Variants in SRCIN1 observed in about 807,000 individuals in gnomAD.
The protein encoded by SRCIN1 is P130Cas-associated protein.
SRCIN1 carries 50 observed loss-of-function variants against 116.2 expected under a neutral mutation model. That is an observed-to-expected ratio of 0.43 (90% CI 0.34 to 0.54). The LOEUF (loss-of-function observed/expected upper bound fraction) is 0.54. SRCIN1 is among the 20% of genes least tolerant of loss of function. SRCIN1 has a pLI of 0.02. For missense variants in SRCIN1, 1,446 were observed against 1,672.0 expected, an observed-to-expected ratio of 0.86 and a Z score of 2.36; for synonymous variants, 736 against 750.0, an observed-to-expected ratio of 0.98 and a Z score of 0.30.
intron 1 of SRCIN1, among the ~76,000 whole-genome samples, chr17:38,581,144 T>C (rs904945298): frequency 2.0e-5 from 3 of 152,076 alleles, no homozygotes; most frequent in African/African-American, 4.8e-5. Flanking sequence ...CGATGACTCA[T>C]ACCTGTAATC....
At chr17:38,553,209 A>G (rs989446784) in intron 11 of SRCIN1, among the ~76,000 whole-genome samples, 2 of 152,224 alleles carry the variant, frequency 1.3e-5, no homozygotes, top group African/African-American at 2.4e-5. Flanking sequence ...GTGAGCCGTG[A>G]TTGTGCCACT....
At chr17:38,536,519 G>A (rs1904390727) in intron 18 of SRCIN1, among the ~76,000 whole-genome samples, 1 of 152,224 alleles carries the variant, frequency 6.6e-6, no homozygotes, top group African/African-American at 2.4e-5. Flanking sequence ...GGGGATCAGA[G>A]CCGGCCACCT....
At position 38,558,310 on chromosome 17, in the gene SRCIN1, GTCC is replaced by G. The variant is rs1905941515; in HGVS notation, c.2115_2117del (p.Glu705del). 1 of 1,611,312 alleles carries G rather than the reference GTCC, an allele frequency of 6.2e-7. No individual in the cohort carries two copies. Among genetic ancestry groups the G allele is most frequent in the Non-Finnish European group, 8.5e-7 (1 of 1,179,596 alleles). ...CCAGGGTGCGCTGCCGCTGCAGCGG[GTCC>G]TCCTGCCGCCGCGCCGCCTCCGACA... On this transcript the variant is annotated inframe_deletion, in exon 11 of 19. Transcript: ENST00000617146. This position sits in a 1 kb window ranked among gnomAD's most constrained non-coding sequence, Gnocchi z 4.6.
Position 38,558,174 on chromosome 17 carries a change from G to C in SRCIN1, c.2201+53C>G. ...GCGCCTCCCAGGGAAACCAGGTTGC[G>C]GGTCACTCCAGCCGCACCCCCACCC... On this transcript the variant is annotated intron_variant, in intron 11 of 18. Coordinates refer to ENST00000617146, the MANE Select transcript of SRCIN1 (RefSeq NM_025248.3). The surrounding 1 kb of genome is among the most constrained non-coding windows in gnomAD (Gnocchi z 4.6). 6.3e-7 allele frequency: 1 copy of C among 1,584,784 alleles called. No homozygotes were observed. The highest frequency in any genetic ancestry group is 1.3e-5 in the African/African-American group (1 of 74,284).
intron 1 of SRCIN1, among the ~76,000 whole-genome samples, chr17:38,581,412 A>G (rs904914701): frequency 2.8e-5 from 4 of 143,032 alleles, no homozygotes; most frequent in Non-Finnish European, 5.9e-5. Flanking sequence ...TCTCAAAAAA[A>G]AAAAAAGAAA....
rs972150636 is a variant in SRCIN1, at chr17:38,568,770, G to T, written c.325-539C>A. On this transcript the variant is annotated intron_variant, in intron 2 of 18. Transcript: ENST00000617146. The surrounding 1 kb of genome is among the most constrained non-coding windows in gnomAD (Gnocchi z 4.5). Reference sequence around the variant, plus strand: ...TAGCAGATTAGGCTGCAAAGGGTGGGAAGTGGGAGGCTGAGGCCAGATGAT... The same window carrying T: ...TAGCAGATTAGGCTGCAAAGGGTGGTAAGTGGGAGGCTGAGGCCAGATGAT... 6.6e-6 allele frequency among the ~76,000 whole-genome samples: 1 copy of T among 152,144 alleles called. No homozygotes were observed. The highest frequency in any genetic ancestry group is 1.5e-5 in the Non-Finnish European group (1 of 68,030).
At chr17:38,534,962 T>TA (rs869254601) in intron 18 of SRCIN1, among the ~76,000 whole-genome samples, 6 of 150,776 alleles carry the variant, frequency 4.0e-5, no homozygotes, top group South Asian at 4.2e-4. Context: ...TCGTCTCTAC[T>TA]AAAAAAAAAA....
At chr17:38,583,680 G>A (rs1907952223) in intron 1 of SRCIN1, among the ~76,000 whole-genome samples, 1 of 151,448 alleles carries the variant, frequency 6.6e-6, no homozygotes, top group Non-Finnish European at 1.5e-5. Flanking sequence ...AGCCTTCTGA[G>A]TAGCTGGGAT....
chr17:38,578,902 G>A (rs1907613252), intron 1 of SRCIN1, 111 bp from the exon 2 acceptor site: 1 of 1,263,336 alleles, frequency 7.9e-7, no homozygotes, highest in Non-Finnish European at 1.0e-6. Context: ...TAAGGAGAGT[G>A]GAGAGGCGCC....
intron 1 of SRCIN1, among the ~76,000 whole-genome samples, chr17:38,592,129 T>TC (rs1388474490): frequency 1.3e-5 from 2 of 152,216 alleles, no homozygotes; most frequent in African/African-American, 2.4e-5. Context: ...CTCAGCTGCT[T>TC]CCCTGCAAGT....
In SRCIN1 at chr17:38,544,072, G is replaced by C; in HGVS notation, c.3271-103C>G. The stretch of plus-strand genomic sequence containing the variant: ...GTCTCGGGGCTGGGACCTCCTCAGT[G>C]GGGCCCTTTGAGACCTGGAGACCCC... On this transcript the variant is annotated intron_variant, in intron 17 of 18. Transcript: ENST00000617146. The surrounding 1 kb of genome is among the most constrained non-coding windows in gnomAD (Gnocchi z 4.5). 7.2e-7 allele frequency: 1 copy of C among 1,388,838 alleles called. No homozygotes were observed. Among genetic ancestry groups the C allele is most frequent in the Non-Finnish European group, 9.5e-7 (1 of 1,047,304 alleles). 86.0% of individuals were successfully genotyped at this position (1,388,838 alleles called of 1,614,324 possible). A position where few individuals can be genotyped will look rare whatever the true frequency, so the allele number is the denominator to read the frequency against.
Position 38,561,675 on chromosome 17 carries a change from C to A in SRCIN1, c.1488G>T (p.Ser496=). The part of the protein sequence containing the change: ...GGPPPPHSPY[S]GPPSRGSPVR... ...CTGGCGAGCCGCGGCTGGGCGGCCC[C>A]GAGTAGGGGCTGTGCGGTGGCGGGG... Residue 496 remains serine, a synonymous_variant, in exon 7 of 19, where the codon TCG becomes TCT. Coordinates refer to ENST00000617146, the MANE Select transcript of SRCIN1 (RefSeq NM_025248.3). 6.4e-7 allele frequency: 1 copy of A among 1,554,316 alleles called. No homozygotes were observed. The highest frequency in any genetic ancestry group is 2.4e-5 in the East Asian group (1 of 41,968).
intron 18 of SRCIN1, among the ~76,000 whole-genome samples, chr17:38,543,574 G>A (rs1034235090): frequency 8.5e-5 from 13 of 152,352 alleles, no homozygotes; most frequent in Admixed American, 7.8e-4. Context: ...GTCTGAGTGA[G>A]GGAACTCCTG....
Position 38,572,503 on chromosome 17 carries a change from G to A in SRCIN1, c.325-4272C>T, listed in dbSNP as rs1019114403. Among the ~76,000 whole-genome samples, 1 of 152,096 alleles carries A rather than the reference G, an allele frequency of 6.6e-6. No homozygotes were observed. Among genetic ancestry groups the A allele is most frequent in the African/African-American group, 2.4e-5 (1 of 41,432 alleles). ...ACGCCGAAGGCACCTAATGCGGTGG[G>A]GGAGGGGAGGAGGCGTTTCTCAGGG... On this transcript the variant is annotated intron_variant, in intron 2 of 18. Transcript: ENST00000617146. The surrounding 1 kb of genome is among the most constrained non-coding windows in gnomAD (Gnocchi z 4.3).
chr17:38,549,452 C>T (rs944299028), intron 15 of SRCIN1, among the ~76,000 whole-genome samples: 4 of 152,174 alleles, frequency 2.6e-5, no homozygotes, highest in African/African-American at 9.7e-5. Context: ...TGTGGACCAG[C>T]AGCACTGGCA....
chr17:38,556,804 AG>A (rs1216571241), intron 11 of SRCIN1, among the ~76,000 whole-genome samples: 1 of 152,244 alleles, frequency 6.6e-6, no homozygotes, highest in Non-Finnish European at 1.5e-5. Flanking sequence ...CAAGGCCTTC[AG>A]GGAGCCAAGG....
At chr17:38,601,540 G>C (rs998477729) in intron 1 of SRCIN1, among the ~76,000 whole-genome samples, 8 of 152,114 alleles carry the variant, frequency 5.3e-5, no homozygotes, top group Admixed American at 5.2e-4. Context: ...CAGGGAACCT[G>C]GGGTGTTTGA....
chr17:38,534,969 A>G (rs1459920952), intron 18 of SRCIN1, among the ~76,000 whole-genome samples: 1 of 152,054 alleles, frequency 6.6e-6, no homozygotes, highest in Non-Finnish European at 1.5e-5. Flanking sequence ...TACTAAAAAA[A>G]AAATTTTTTT....
Position 38,563,517 on chromosome 17 carries a change from C to A in SRCIN1, c.546G>T (p.Val182=). ...TCTCCTCCCCGAACTGCAGGAACAG[C>A]ACCCCTGCGAAGGAGACGCCGCCCT... ...ASQTKLRSPG[V]LFLQFGEETR... The change falls in exon 5 of 19, where the codon GTG becomes GTT. Residue 182 remains valine (V), a synonymous_variant. Coordinates refer to ENST00000617146, the MANE Select transcript of SRCIN1 (RefSeq NM_025248.3). The surrounding 1 kb of genome is among the most constrained non-coding windows in gnomAD (Gnocchi z 5.8). The A allele has an allele frequency of 1.3e-6, 2 of 1,549,368 alleles. No individual in the cohort carries two copies. The highest frequency in any genetic ancestry group is 1.2e-5 in the South Asian group (1 of 84,088).
Sources: gnomAD v4.1 joint callset for allele counts (sites outside exome capture counted in the v4.1 genomes callset) on GRCh38, gnomAD v4.1.1 for gene constraint, Gnocchi (gnomAD v3.1) non-coding constraint, MANE v1.5 for transcripts, NCBI Gene and HGNC (gene_info 2026-07-23, HGNC 2026-07-21) for gene names.